SLC9A9: variants seen among roughly 807,000 people sequenced by gnomAD.
SLC9A9 encodes the protein solute carrier family 9 member A9.
In SLC9A9, 62 loss-of-function variants were observed where a neutral mutation model predicts 77.8. The ratio of observed to expected loss-of-function variants is 0.80; its 90% CI spans 0.65 to 0.98. The LOEUF is 0.98. SLC9A9 is among the 50% of genes least tolerant of loss of function. The probability of loss-of-function intolerance (pLI) is 0.00; values close to 1 mark genes in which losing one functional copy is unlikely to be tolerated. For synonymous variants in SLC9A9, 320 were observed against 283.5 expected (o/e 1.13, Z -1.29); for missense variants, 775 against 774.9 (o/e 1.00, Z 0.00).
At chr3:143,336,283 G>T (rs891883853) in intron 14 of SLC9A9, among the ~76,000 whole-genome samples, 24 of 152,270 alleles carry the variant, frequency 1.6e-4, no homozygotes, top group African/African-American at 5.8e-4. Context: ...TTTGTGCACT[G>T]TTGGTGAGAA....
intron 4 of SLC9A9, among the ~76,000 whole-genome samples, chr3:143,778,243 T>A (rs182367357): frequency 6.6e-6 from 1 of 152,108 alleles, no homozygotes; most frequent in Admixed American, 6.5e-5. Context: ...GACAACACTA[T>A]CAGTAAGATT....
intron 3 of SLC9A9, 47 bp downstream of exon 3, chr3:143,796,779 A>G (rs751612625): frequency 9.3e-5 from 128 of 1,382,934 alleles, no homozygotes; most frequent in Non-Finnish European, 1.2e-4. Context: ...TGCTGGTAAA[A>G]TTCTCTACTT....
rs565019829 is a variant in SLC9A9, at chr3:143,285,880, G to A, written c.1605-16900C>T. Among the ~76,000 whole-genome samples, 5 of 152,310 alleles carry A rather than the reference G, an allele frequency of 3.3e-5. No individual in the cohort carries two copies. In the South Asian group the frequency reaches 1.0e-3, roughly 32 times the overall value. On this transcript the variant is annotated intron_variant, in intron 14 of 15. Transcript: ENST00000316549. ...AGAAGGGGAGAGGACCATGGAACAGGAGCTGAGAACTCTTTCTCCCTGCTT... is the reference window on the plus strand; with the variant it reads ...AGAAGGGGAGAGGACCATGGAACAGAAGCTGAGAACTCTTTCTCCCTGCTT...
intron 6 of SLC9A9, among the ~76,000 whole-genome samples, chr3:143,636,839 A>G (rs1335305373): frequency 1.3e-5 from 2 of 152,192 alleles, no homozygotes; most frequent in East Asian, 3.9e-4. Flanking sequence ...ACAAACAAGC[A>G]GCATTTGAGC....
intron 14 of SLC9A9, among the ~76,000 whole-genome samples, chr3:143,336,429 A>G (rs943686895): frequency 6.6e-6 from 1 of 152,162 alleles, no homozygotes; most frequent in Non-Finnish European, 1.5e-5. Context: ...TCCAAAAGAT[A>G]TTTGCACACC....
chr3:143,767,858 T>C (rs1418755773), intron 4 of SLC9A9, among the ~76,000 whole-genome samples: 1 of 152,224 alleles, frequency 6.6e-6, no homozygotes, highest in African/African-American at 2.4e-5. Context: ...AGTTTAATGA[T>C]TTAGAATTAA....
intron 9 of SLC9A9, among the ~76,000 whole-genome samples, chr3:143,514,882 G>A (rs2036178686): frequency 6.6e-6 from 1 of 152,148 alleles, no homozygotes; most frequent in South Asian, 2.1e-4. Flanking sequence ...GTGTTCACTG[G>A]AGTAGCATTT....
At chr3:143,838,342 G>A (rs2009625219) in intron 1 of SLC9A9, among the ~76,000 whole-genome samples, 1 of 152,182 alleles carries the variant, frequency 6.6e-6, no homozygotes, top group African/African-American at 2.4e-5. Flanking sequence ...CAAGCAGTTT[G>A]CGATGGGCAC....
At chr3:143,659,445 C>G (rs924775405) in intron 5 of SLC9A9, among the ~76,000 whole-genome samples, 1 of 152,160 alleles carries the variant, frequency 6.6e-6, no homozygotes, top group Admixed American at 6.5e-5. Flanking sequence ...AGATATGAAA[C>G]AAGCAGATAT....
intron 9 of SLC9A9, among the ~76,000 whole-genome samples, chr3:143,547,737 T>C (rs1222923594): frequency 1.3e-5 from 2 of 152,232 alleles, no homozygotes; most frequent in African/African-American, 4.8e-5. Flanking sequence ...AATATCACCT[T>C]GCTGAGGCCT....
chr3:143,739,942 C>T (rs1261008416), intron 4 of SLC9A9, among the ~76,000 whole-genome samples: 1 of 152,154 alleles, frequency 6.6e-6, no homozygotes, highest in Non-Finnish European at 1.5e-5. Flanking sequence ...TATCACTGTC[C>T]ACATCCATGT....
rs115016870 is a variant in SLC9A9 at position 143,717,403 on chromosome 3, G to A, written c.534-24096C>T. 5.6e-3 allele frequency among the ~76,000 whole-genome samples: 858 copies of A among 152,304 alleles called. 12 individuals are homozygous for A. The highest frequency in any genetic ancestry group is 0.019 in the African/African-American group (808 of 41,558). On this transcript the variant is annotated intron_variant, in intron 4 of 15. Coordinates refer to ENST00000316549, the MANE Select transcript of SLC9A9 (RefSeq NM_173653.4). ...CAGCTACCATAGAAGTTGAAAATTG[G>A]TTGTTGAGTGGCAGTGAGTGTTTAT...
intron 12 of SLC9A9, among the ~76,000 whole-genome samples, chr3:143,391,371 C>CA (rs1259728699): frequency 1.3e-5 from 2 of 152,252 alleles, no homozygotes; most frequent in Non-Finnish European, 2.9e-5. Flanking sequence ...CAAACTCCAA[C>CA]AGACCTGCAG....
At chr3:143,590,367 T>G (rs1238950562) in intron 6 of SLC9A9, among the ~76,000 whole-genome samples, 1 of 152,222 alleles carries the variant, frequency 6.6e-6, no homozygotes, top group African/African-American at 2.4e-5. Flanking sequence ...TAGCTATATC[T>G]TTCACCATTT....
chr3:143,777,879 T>C (rs1249947502), intron 4 of SLC9A9, among the ~76,000 whole-genome samples: 3 of 151,726 alleles, frequency 2.0e-5, no homozygotes, highest in African/African-American at 7.3e-5. Flanking sequence ...CACACCTGGC[T>C]AATTTTTGTA....
intron 7 of SLC9A9, among the ~76,000 whole-genome samples, chr3:143,577,143 C>T (rs907875973): frequency 6.6e-6 from 1 of 152,166 alleles, no homozygotes; most frequent in African/African-American, 2.4e-5. Flanking sequence ...GTGTCACTCT[C>T]CTGAGCAGAA....
intron 4 of SLC9A9, among the ~76,000 whole-genome samples, chr3:143,759,414 T>C (rs1302237287): frequency 8.4e-6 from 1 of 119,520 alleles, no homozygotes; most frequent in Non-Finnish European, 1.6e-5. Flanking sequence ...TATTTATTTT[T>C]TCTTTTTTTG....
At chr3:143,691,668 T>C (rs1329877468) in intron 5 of SLC9A9, among the ~76,000 whole-genome samples, 2 of 152,096 alleles carry the variant, frequency 1.3e-5, no homozygotes, top group Admixed American at 6.6e-5. Context: ...GAGTCCTTCC[T>C]CCTTCTAAAT....
At chr3:143,654,011 G>T (rs1338626948) in intron 5 of SLC9A9, among the ~76,000 whole-genome samples, 2 of 152,108 alleles carry the variant, frequency 1.3e-5, no homozygotes, top group Non-Finnish European at 2.9e-5. Context: ...ATGGAAAATT[G>T]GTGGGTGTTG....
Sources: allele counts gnomAD v4.1 joint callset (sites outside exome capture counted in the v4.1 genomes callset), GRCh38; gene constraint gnomAD v4.1.1; transcripts MANE v1.5; gene names NCBI Gene and HGNC (gene_info 2026-07-23, HGNC 2026-07-21).